KCND2: variants seen among roughly 807,000 people sequenced by gnomAD.
KCND2 encodes potassium voltage-gated channel subfamily D member 2.
KCND2 carries 16 observed loss-of-function variants against 54.4 expected under a neutral mutation model. That is an observed-to-expected ratio of 0.29 (90% confidence interval 0.20 to 0.45). The LOEUF (loss-of-function observed/expected upper bound fraction) is 0.45. Among genes scored for constraint, KCND2 ranks in the 20% least tolerant of loss-of-function variants. The pLI is 1.00. For synonymous variants in KCND2, 317 were observed against 310.7 expected (o/e 1.02, Z -0.21); for missense variants, 486 against 824.2 (o/e 0.59, Z 5.02).
At chr7:120,507,766 T>C (rs1252295329) in intron 1 of KCND2, among the ~76,000 whole-genome samples, 2 of 151,924 alleles carry the variant, frequency 1.3e-5, no homozygotes, top group Non-Finnish European at 2.9e-5. Flanking sequence ...TTATCTAACA[T>C]AAAACACTGT....
intron 1 of KCND2, among the ~76,000 whole-genome samples, chr7:120,341,058 A>G (rs1246874310): frequency 6.6e-6 from 1 of 152,164 alleles, no homozygotes; most frequent in Non-Finnish European, 1.5e-5. Context: ...GAATATTTTT[A>G]TCTCAAGAAA....
intron 1 of KCND2, among the ~76,000 whole-genome samples, chr7:120,571,051 C>G (rs1293090062): frequency 6.6e-6 from 1 of 152,144 alleles, no homozygotes; most frequent in Non-Finnish European, 1.5e-5. Flanking sequence ...TATAATGGCT[C>G]CTGGTAGCCC....
chr7:120,431,367 T>A (rs1431838181), intron 1 of KCND2, among the ~76,000 whole-genome samples: 2 of 152,194 alleles, frequency 1.3e-5, no homozygotes, highest in Admixed American at 6.5e-5. Flanking sequence ...GAAAACACCT[T>A]TTCATGGAAG....
intron 1 of KCND2, among the ~76,000 whole-genome samples, chr7:120,407,847 A>G (rs765357879): frequency 4.0e-5 from 6 of 151,880 alleles, no homozygotes; most frequent in African/African-American, 9.7e-5. Flanking sequence ...CAAACATACT[A>G]TATGAAGAGT....
chr7:120,487,913 A>T (rs1802717772), intron 1 of KCND2, among the ~76,000 whole-genome samples: 1 of 151,938 alleles, frequency 6.6e-6, no homozygotes, highest in South Asian at 2.1e-4. Flanking sequence ...AGGTGTGGTG[A>T]CTCATGCCTG....
chr7:120,444,039 A>G (rs1447927411), intron 1 of KCND2, among the ~76,000 whole-genome samples: 1 of 151,888 alleles, frequency 6.6e-6, no homozygotes, highest in African/African-American at 2.4e-5. Flanking sequence ...TCACTCCCTC[A>G]CATCTTCATA....
At chr7:120,360,120 A>G (rs1800572296) in intron 1 of KCND2, among the ~76,000 whole-genome samples, 3 of 152,240 alleles carry the variant, frequency 2.0e-5, no homozygotes, top group South Asian at 4.1e-4. Context: ...ATAACTCTCC[A>G]TGCAAAATTC....
intron 1 of KCND2, among the ~76,000 whole-genome samples, chr7:120,465,614 T>A (rs549493114): frequency 6.6e-6 from 1 of 152,170 alleles, no homozygotes; most frequent in Admixed American, 6.5e-5. Flanking sequence ...TTAGTTTGCA[T>A]GTGTTCAGTT....
At chr7:120,467,515 A>T (rs1033009512) in intron 1 of KCND2, among the ~76,000 whole-genome samples, 1 of 152,106 alleles carries the variant, frequency 6.6e-6, no homozygotes, top group African/African-American at 2.4e-5. Flanking sequence ...ATAAAGTTTC[A>T]TCAAAACCAT....
rs368722321 is a variant in KCND2 at position 120,569,488 on chromosome 7, C to T, written c.1116-163415C>T. On this transcript the variant is annotated intron_variant, in intron 1 of 5. Transcript: ENST00000331113. ...GAACTCAGAAGAAAGGAAGTTTTAGCCTTCTGCCTATTTACAAGCCTGCCT... is the reference window on the plus strand; with the variant it reads ...GAACTCAGAAGAAAGGAAGTTTTAGTCTTCTGCCTATTTACAAGCCTGCCT... Among the ~76,000 whole-genome samples the T allele has an allele frequency of 9.9e-5, 15 of 152,160 alleles. No homozygotes were observed. The East Asian group carries it at 2.1e-3, about 22-fold the overall frequency.
chr7:120,368,157 A>C (rs767037862), intron 1 of KCND2, among the ~76,000 whole-genome samples: 1 of 152,078 alleles, frequency 6.6e-6, no homozygotes, highest in Non-Finnish European at 1.5e-5. Flanking sequence ...CAATGAAAGA[A>C]ATTTCTGTGA....
chr7:120,436,359 G>A (rs182691364), intron 1 of KCND2, among the ~76,000 whole-genome samples: 64 of 152,280 alleles, frequency 4.2e-4, no homozygotes, highest in African/African-American at 1.4e-3. Flanking sequence ...GATTTAGGAA[G>A]TAGTAGATAA....
chr7:120,724,612 C>A (rs577447397), intron 1 of KCND2, among the ~76,000 whole-genome samples: 1 of 152,098 alleles, frequency 6.6e-6, no homozygotes, highest in African/African-American at 2.4e-5. Flanking sequence ...CTCTTTCCTG[C>A]AGGTGATGGA....
intron 1 of KCND2, among the ~76,000 whole-genome samples, chr7:120,632,213 A>G (rs997849987): frequency 1.3e-5 from 2 of 152,222 alleles, no homozygotes; most frequent in Non-Finnish European, 2.9e-5. Context: ...GGTACAGAAT[A>G]TCTCATAATT....
chr7:120,351,583 T>C (rs996074310), intron 1 of KCND2, among the ~76,000 whole-genome samples: 1 of 151,992 alleles, frequency 6.6e-6, no homozygotes, highest in African/African-American at 2.4e-5. Context: ...AGGGGTCAGA[T>C]ATGCAGGTTC....
chr7:120,362,170 A>G (rs1453261085), intron 1 of KCND2, among the ~76,000 whole-genome samples: 2 of 152,130 alleles, frequency 1.3e-5, no homozygotes, highest in Admixed American at 1.3e-4. Flanking sequence ...CTGCTGCAAA[A>G]TCTTAAAGAA....
intron 1 of KCND2, among the ~76,000 whole-genome samples, chr7:120,342,529 A>G (rs1800255313): frequency 6.6e-6 from 1 of 152,192 alleles, no homozygotes; most frequent in Admixed American, 6.6e-5. Flanking sequence ...TGGACTCTCA[A>G]AGATTTTCTT....
chr7:120,643,201 G>A (rs1793399244), intron 1 of KCND2, among the ~76,000 whole-genome samples: 1 of 152,060 alleles, frequency 6.6e-6, no homozygotes, highest in Non-Finnish European at 1.5e-5. Flanking sequence ...GCCTAAGTAA[G>A]GAACTAAGAA....
chr7:120,577,369 A>G (rs757324114), intron 1 of KCND2, among the ~76,000 whole-genome samples: 1 of 152,160 alleles, frequency 6.6e-6, no homozygotes, highest in Admixed American at 6.6e-5. Context: ...TTTTATTCAT[A>G]ACTTGCTATG....
Sources: allele counts gnomAD v4.1 joint callset (sites outside exome capture counted in the v4.1 genomes callset), GRCh38; gene constraint gnomAD v4.1.1; transcripts MANE v1.5; gene names NCBI Gene and HGNC (gene_info 2026-07-23, HGNC 2026-07-21).